AMPD2: variants seen among roughly 807,000 people sequenced by gnomAD.
AMPD2 encodes the protein adenosine monophosphate deaminase 2.
AMPD2 carries 52 observed loss-of-function variants against 91.3 expected under a neutral mutation model. The observed-to-expected ratio is 0.57, with a 90% CI of 0.46 to 0.72. The LOEUF (loss-of-function observed/expected upper bound fraction) is 0.72, where lower values mean the gene tolerates loss of function less well. Among genes scored for constraint, AMPD2 ranks in the 30% least tolerant of loss-of-function variants. The pLI is 0.00. For synonymous variants in AMPD2, 455 were observed against 456.4 expected (o/e 1.00, Z 0.04); for missense variants, 822 against 1,122.3 (o/e 0.73, Z 3.82).
rs563761010 is a variant in AMPD2, at chr1:109,629,221, C to T, written c.1684C>T (p.Leu562Phe). Residue 562 changes from leucine (L) to phenylalanine (F), a missense_variant, in exon 14 of 19, where the codon CTC becomes TTC. Physicochemically the swap from Leu to Phe is conservative, Grantham distance 22 (BLOSUM62 0). Transcript: ENST00000528667. ...CCCTGCCAGCCACCCGGAACTGCAT[C>T]TCTTCTTAGAGCACGTGAGCAGGCA... ...VHPASHPELHLFLEHVDGFDS... is the reference protein window; with the variant it reads ...VHPASHPELHFFLEHVDGFDS... 1.9e-6 allele frequency: 3 copies of T among 1,614,178 alleles called. No homozygotes were observed. In the South Asian group the frequency reaches 3.3e-5, roughly 18 times the overall value.
chr1:109,625,328 T>A lies in AMPD2; in HGVS notation c.117T>A (p.Pro39=). The A allele has an allele frequency of 6.2e-7, 1 of 1,613,104 alleles. No individual in the cohort carries two copies. The highest frequency in any genetic ancestry group is 8.5e-7 in the Non-Finnish European group (1 of 1,179,832). Residue 39 remains proline, a synonymous_variant, in exon 3 of 19, where the codon CCT becomes CCA. Coordinates refer to ENST00000528667, the MANE Select transcript of AMPD2 (RefSeq NM_001368809.2). This position sits in a 1 kb window ranked among gnomAD's most constrained non-coding sequence, Gnocchi z 4.0. ...APEARGGLGA[P]PLQSARSLPG... Reference sequence around the variant, plus strand: ...AGGCTCGGGGTGGTCTGGGGGCCCCTCCGCTGCAGTCTGCCCGATCCCTGC... The same window carrying A: ...AGGCTCGGGGTGGTCTGGGGGCCCCACCGCTGCAGTCTGCCCGATCCCTGC...
Position 109,628,353 on chromosome 1 carries a change from A to G in AMPD2, c.1276-11A>G, listed in dbSNP as rs757444510. ...AGTCACGGGTGACCTGAGCCTTCCCATGTCCCCCAGGACAGGAACACTTTC... is the reference window on the plus strand; with the variant it reads ...AGTCACGGGTGACCTGAGCCTTCCCGTGTCCCCCAGGACAGGAACACTTTC... On this transcript the variant is annotated splice_polypyrimidine_tract_variant and intron_variant, in intron 11 of 18. Transcript: ENST00000528667. This position sits in a 1 kb window ranked among gnomAD's most constrained non-coding sequence, Gnocchi z 7.1. The G allele has an allele frequency of 2.5e-6, 4 of 1,613,974 alleles. No homozygotes were observed. In the East Asian group the frequency reaches 8.9e-5, roughly 36 times the overall value.
rs377639169 is a variant in AMPD2, at chr1:109,628,771, C to T, written c.1536C>T (p.Pro512=). 2 of 1,579,820 alleles carry T rather than the reference C, an allele frequency of 1.3e-6. No individual in the cohort carries two copies. Among genetic ancestry groups the T allele is most frequent in the Non-Finnish European group, 1.7e-6 (2 of 1,162,268 alleles). ...CCGTCATGCACCGCGTGCACTCCCC[C>T]AACGTGCGCTGGCTGGTGCAGGTGC... ...RWAVMHRVHS[P]NVRWLVQVPR... The change falls in exon 13 of 19, where the codon CCC becomes CCT. Residue 512 remains proline, a synonymous_variant. Transcript: ENST00000528667. The surrounding 1 kb of genome is among the most constrained non-coding windows in gnomAD (Gnocchi z 7.1).
Position 109,621,269 on chromosome 1 carries a change from G to A in AMPD2, c.91+3G>A, listed in dbSNP as rs1298872483. The A allele has an allele frequency of 1.3e-5, 21 of 1,612,452 alleles. No homozygotes were observed. The highest frequency in any genetic ancestry group is 1.7e-5 in the Non-Finnish European group (20 of 1,179,396). ...GCAGGCCTCCACTGCAGCTCCAGGT[G>A]AGTGTGTGCTTCCTGGCCTCAGGAT... On this transcript the variant is annotated splice_donor_region_variant and intron_variant, in intron 2 of 18. Coordinates refer to ENST00000528667, the MANE Select transcript of AMPD2 (RefSeq NM_001368809.2).
intron 1 of AMPD2, 127 bp downstream of exon 1, chr1:109,620,405 G>T: frequency 6.9e-7 from 1 of 1,453,714 alleles, no homozygotes; most frequent in Non-Finnish European, 9.5e-7. Context: ...CTCCTCCCAG[G>T]AGGGCCTGGG....
At chr1:109,621,642 G>A (rs527960423) in intron 2 of AMPD2, among the ~76,000 whole-genome samples, 137 of 152,306 alleles carry the variant, frequency 9.0e-4, no homozygotes, top group African/African-American at 3.2e-3. Context: ...TCTGACTGGC[G>A]CCTGTGCCTT....
chr1:109,621,190 A>C lies in AMPD2; in HGVS notation c.15A>C (p.Pro5=). 6.2e-7 allele frequency: 1 copy of C among 1,606,772 alleles called. No homozygotes were observed. The highest frequency in any genetic ancestry group is 8.5e-7 in the Non-Finnish European group (1 of 1,176,364). The part of the protein sequence containing the change: MASY[P]SGSGKPKAKY... Reference sequence around the variant, plus strand: ...TGGTCCCAGCCATGGCATCCTATCCATCTGGCTCTGGCAAGCCCAAGGCCA... The same window carrying C: ...TGGTCCCAGCCATGGCATCCTATCCCTCTGGCTCTGGCAAGCCCAAGGCCA... Residue 5 remains proline (P), a synonymous_variant, in exon 2 of 19, where the codon CCA becomes CCC. Coordinates refer to ENST00000528667, the MANE Select transcript of AMPD2 (RefSeq NM_001368809.2).
intron 2 of AMPD2, among the ~76,000 whole-genome samples, chr1:109,623,006 C>G (rs1389179281): frequency 6.6e-6 from 1 of 152,164 alleles, no homozygotes; most frequent in African/African-American, 2.4e-5. Flanking sequence ...TAGAGTCACC[C>G]CATCTCCACT....
Position 109,629,475 on chromosome 1 carries a change from T to G in AMPD2, c.1847T>G (p.Leu616Trp). The G allele has an allele frequency of 6.2e-7, 1 of 1,613,950 alleles. No individual in the cohort carries two copies. The highest frequency in any genetic ancestry group is 1.7e-4 in the Middle Eastern group (1 of 6,042). ...LYYTFANMAMLNHLRRQRGFH... is the reference protein window; with the variant it reads ...LYYTFANMAMWNHLRRQRGFH... Reference sequence around the variant, plus strand: ...TACACCTTTGCCAACATGGCCATGTTGAACCACCTGCGCAGGTGCCTGCAC... The same window carrying G: ...TACACCTTTGCCAACATGGCCATGTGGAACCACCTGCGCAGGTGCCTGCAC... The change falls in exon 15 of 19, where the codon TTG becomes TGG. Residue 616 changes from leucine (L) to tryptophan (W), a missense_variant. Transcript: ENST00000528667.
At chr1:109,627,674 T>C in intron 9 of AMPD2, 100 bp from the exon 10 acceptor site, 3 of 1,556,576 alleles carry the variant, frequency 1.9e-6, no homozygotes, top group Non-Finnish European at 2.6e-6. Flanking sequence ...GCAGCCTCCA[T>C]CCTTACCCTC....
In AMPD2 at chr1:109,630,052, C is replaced by T; in HGVS notation, c.1983+136C>T. On this transcript the variant is annotated intron_variant, in intron 16 of 18. Transcript: ENST00000528667. ...GCCTTCCCAATGTAACTACCCTTCC[C>T]CACCCCAGCCTTCAGCCTGGGGCCC... 3 of 1,431,406 alleles carry T rather than the reference C, an allele frequency of 2.1e-6. No homozygotes were observed. In the South Asian group the frequency reaches 3.9e-5, roughly 19 times the overall value. The allele number at this position is 1,431,406 out of a possible 1,614,324, so 88.7% of individuals were successfully genotyped here. A position where few individuals can be genotyped will look rare whatever the true frequency, so the allele number is the denominator to read the frequency against.
In AMPD2 at chr1:109,625,712, T is replaced by A; in HGVS notation, c.273T>A (p.Tyr91Ter). The change falls in exon 4 of 19, where the codon TAT (tyrosine) becomes TAA (stop). Residue 91 changes from tyrosine to a stop codon, truncating the protein, a stop_gained. Transcript: ENST00000528667. LOFTEE classifies it high-confidence loss of function. The surrounding 1 kb of genome is among the most constrained non-coding windows in gnomAD (Gnocchi z 4.0). ...LAESELRSAP[Y>*]EFPEESPIEQ... ...AGAGCGAGCTCCGTAGTGCCCCGTA[T>A]GAGTTCCCCGAGGAGAGCCCCATTG... is the stretch of plus-strand genomic sequence containing the variant. 1.2e-6 allele frequency: 2 copies of A among 1,614,136 alleles called. No individual in the cohort carries two copies. Among genetic ancestry groups the A allele is most frequent in the Non-Finnish European group, 1.7e-6 (2 of 1,180,002 alleles).
In AMPD2 at chr1:109,624,996, G is replaced by A. The variant is rs369051348; in HGVS notation, c.92-307G>A. Among the ~76,000 whole-genome samples, 2 of 152,144 alleles carry A rather than the reference G, an allele frequency of 1.3e-5. No individual in the cohort carries two copies. Among genetic ancestry groups the A allele is most frequent in the African/African-American group, 2.4e-5 (1 of 41,422 alleles). On this transcript the variant is annotated intron_variant, in intron 2 of 18. Transcript: ENST00000528667. The surrounding 1 kb of genome is among the most constrained non-coding windows in gnomAD (Gnocchi z 5.2). ...GCACCTGCCTCTGGGAGGTAGTCAC[G>A]TGGAGATTCTCATGGCCTGAGGGAT...
At position 109,629,715 on chromosome 1, in the gene AMPD2, C is replaced by T. The variant is rs1012706586; in HGVS notation, c.1863-81C>T. ...ATAGTTATTGGCTGGAGGACATATG[C>T]GTGCTGGGTGGGGGTCAGGGGCTCC... On this transcript the variant is annotated intron_variant, in intron 15 of 18. Coordinates refer to ENST00000528667, the MANE Select transcript of AMPD2 (RefSeq NM_001368809.2). 3.9e-5 allele frequency: 56 copies of T among 1,443,428 alleles called. 1 individual carries two copies. In the East Asian group the frequency reaches 5.6e-4, roughly 14 times the overall value. 89.4% of individuals were successfully genotyped at this position (1,443,428 alleles called of 1,614,324 possible).
rs763818467 is a variant in AMPD2 at position 109,625,757 on chromosome 1, G to T, written c.318G>T (p.Arg106=). The T allele has an allele frequency of 8.1e-6, 13 of 1,614,038 alleles. No homozygotes were observed. The highest frequency in any genetic ancestry group is 1.3e-5 in the African/African-American group (1 of 75,052). ...CCATTGAACAGCTGGAGGAGCGGCGGCAGCGGCTGGAGCGGCAGATCAGCC... is the reference window on the plus strand; with the variant it reads ...CCATTGAACAGCTGGAGGAGCGGCGTCAGCGGCTGGAGCGGCAGATCAGCC... ...ESPIEQLEER[R]QRLERQISQD... The change falls in exon 4 of 19, where the codon CGG becomes CGT. Residue 106 remains arginine, a synonymous_variant. Coordinates refer to ENST00000528667, the MANE Select transcript of AMPD2 (RefSeq NM_001368809.2). The surrounding 1 kb of genome is among the most constrained non-coding windows in gnomAD (Gnocchi z 4.0).
At chr1:109,627,027 A>G (rs1650748621) in intron 7 of AMPD2, 115 bp downstream of exon 7, 1 of 1,538,704 alleles carries the variant, frequency 6.5e-7, no homozygotes, top group African/African-American at 1.4e-5. Context: ...GCTCATTCCA[A>G]CCTCTTGGGG....
chr1:109,630,068 C>G, intron 16 of AMPD2, 152 bp downstream of exon 16: 4 of 1,406,244 alleles, frequency 2.8e-6, no homozygotes, highest in Non-Finnish European at 3.9e-6. Context: ...CAGCCTTCAG[C>G]CTGGGGCCCC....
chr1:109,622,167 T>A (rs963927309), intron 2 of AMPD2: 1 of 455,820 alleles, frequency 2.2e-6, no homozygotes, highest in Non-Finnish European at 4.4e-6. Context: ...CCTCCTATAT[T>A]TTTTTGTTTC....
At chr1:109,623,662 T>G (rs1402280726) in intron 2 of AMPD2, among the ~76,000 whole-genome samples, 1 of 152,048 alleles carries the variant, frequency 6.6e-6, no homozygotes, top group Non-Finnish European at 1.5e-5. Context: ...AGAGCGCTGT[T>G]CCCCTCCTTT....
Sources: allele counts gnomAD v4.1 joint callset (sites outside exome capture counted in the v4.1 genomes callset), GRCh38; gene constraint gnomAD v4.1.1; non-coding constraint Gnocchi (gnomAD v3.1); transcripts MANE v1.5; gene names NCBI Gene and HGNC (gene_info 2026-07-23, HGNC 2026-07-21).